DLGAP1: variants seen among roughly 807,000 people sequenced by gnomAD.
The protein encoded by DLGAP1 is disks large-associated protein 1.
A neutral mutation model predicts 90.8 loss-of-function variants in DLGAP1; 11 were observed. That is an observed-to-expected ratio of 0.12 (90% CI 0.08 to 0.20). DLGAP1 has a LOEUF of 0.20. DLGAP1 is among the 10% of genes least tolerant of loss of function. The probability of loss-of-function intolerance (pLI) is 1.00; values close to 1 mark genes in which losing one functional copy is unlikely to be tolerated. For synonymous variants in DLGAP1, 558 were observed against 540.7 expected, an observed-to-expected ratio of 1.03 and a Z score of -0.44; for missense variants, 1,050 against 1,333.8, an observed-to-expected ratio of 0.79 and a Z score of 3.31.
chr18:4,090,021 G>A (rs1220440342), intron 2 of DLGAP1, among the ~76,000 whole-genome samples: 1 of 152,040 alleles, frequency 6.6e-6, no homozygotes, highest in African/African-American at 2.4e-5. Flanking sequence ...CTCCAGCCTG[G>A]GTGATAGAGG....
chr18:4,391,796 TA>T (rs920049041), intron 1 of DLGAP1, among the ~76,000 whole-genome samples: 2 of 152,146 alleles, frequency 1.3e-5, no homozygotes, highest in Non-Finnish European at 2.9e-5. Context: ...CATGGGAGCC[TA>T]AGGAGTTTCT....
At chr18:4,168,542 A>G (rs960632562) in intron 1 of DLGAP1, among the ~76,000 whole-genome samples, 1 of 152,154 alleles carries the variant, frequency 6.6e-6, no homozygotes, top group Non-Finnish European at 1.5e-5. Context: ...CCATTAAACC[A>G]TAACTCCACA....
At chr18:3,693,883 A>AT (rs71366702) in intron 7 of DLGAP1, among the ~76,000 whole-genome samples, 6,053 of 151,576 alleles carry the variant, frequency 0.04, 299 homozygotes, top group African/African-American at 0.12. Context: ...TGATGATGGC[A>AT]TTTTTTTTTA....
intron 1 of DLGAP1, among the ~76,000 whole-genome samples, chr18:4,198,461 CAATTAATAGATA>C (rs60886451): frequency 0.058 from 8,883 of 152,116 alleles, 615 homozygotes; most frequent in East Asian, 0.2. Flanking sequence ...GTCCACGAAA[CAATTAATAGATA>C]TTATTGAGAA....
At chr18:4,016,059 C>A (rs1295736928) in intron 2 of DLGAP1, among the ~76,000 whole-genome samples, 1 of 152,186 alleles carries the variant, frequency 6.6e-6, no homozygotes, top group African/African-American at 2.4e-5. Flanking sequence ...GTAATGAACA[C>A]ATGCTATCAG....
intron 1 of DLGAP1, among the ~76,000 whole-genome samples, chr18:4,382,142 C>T (rs942722955): frequency 6.6e-6 from 1 of 151,994 alleles, no homozygotes; most frequent in Non-Finnish European, 1.5e-5. Flanking sequence ...GGAACACAGC[C>T]AAGCCATATC....
intron 3 of DLGAP1, among the ~76,000 whole-genome samples, chr18:4,001,463 G>A (rs1302403331): frequency 6.6e-6 from 1 of 151,822 alleles, no homozygotes; most frequent in Non-Finnish European, 1.5e-5. Flanking sequence ...TGGTAGATTC[G>A]ATGGCCATTT....
chr18:3,902,313 T>C (rs1470342034), intron 3 of DLGAP1, among the ~76,000 whole-genome samples: 3 of 152,218 alleles, frequency 2.0e-5, no homozygotes, highest in South Asian at 2.1e-4. Context: ...GGAAGTAATA[T>C]CGAGTTGCTT....
chr18:4,351,918 A>G (rs926805638), intron 1 of DLGAP1, among the ~76,000 whole-genome samples: 1 of 152,232 alleles, frequency 6.6e-6, no homozygotes, highest in African/African-American at 2.4e-5. Flanking sequence ...TGTTAAAAGC[A>G]ACACGTAGTT....
At chr18:4,257,221 G>A (rs1442148952) in intron 1 of DLGAP1, among the ~76,000 whole-genome samples, 1 of 152,190 alleles carries the variant, frequency 6.6e-6, no homozygotes, top group East Asian at 1.9e-4. Flanking sequence ...ATAAGGAAGT[G>A]AGAGAAATAT....
At chr18:4,248,548 C>T (rs1296101887) in intron 1 of DLGAP1, 1 of 152,222 alleles carries the variant, frequency 6.6e-6, no homozygotes, top group African/African-American at 2.4e-5. Context: ...AAAGGGGAGA[C>T]ATTTAGACAC....
intron 3 of DLGAP1, among the ~76,000 whole-genome samples, chr18:3,982,874 T>C (rs540250426): frequency 6.6e-6 from 1 of 152,346 alleles, no homozygotes; most frequent in East Asian, 1.9e-4. Flanking sequence ...TGCTTAGATA[T>C]CTTATGAAAT....
At chr18:3,778,351 G>C (rs1362533085) in intron 5 of DLGAP1, among the ~76,000 whole-genome samples, 2 of 152,024 alleles carry the variant, frequency 1.3e-5, no homozygotes, top group East Asian at 1.9e-4. Flanking sequence ...TGAGGCAGGA[G>C]AATCGCTTGA....
At chr18:3,939,455 C>CA (rs112310710) in intron 3 of DLGAP1, among the ~76,000 whole-genome samples, 1,531 of 142,428 alleles carry the variant, frequency 0.011, 25 homozygotes, top group South Asian at 0.039. Context: ...AAAAAAACAC[C>CA]AAAAAAACAA....
chr18:4,419,031 C>A (rs947239545), intron 1 of DLGAP1, among the ~76,000 whole-genome samples: 1 of 152,074 alleles, frequency 6.6e-6, no homozygotes, highest in Non-Finnish European at 1.5e-5. Context: ...AGAACTATAG[C>A]AGACTTGTAG....
chr18:3,788,891 C>T (rs1267828285), intron 5 of DLGAP1, among the ~76,000 whole-genome samples: 2 of 152,198 alleles, frequency 1.3e-5, no homozygotes, highest in African/African-American at 4.8e-5. Context: ...ACAGTGAAAA[C>T]ACATGCTGAA....
intron 7 of DLGAP1, among the ~76,000 whole-genome samples, chr18:3,650,902 ATT>A (rs2059275860): frequency 6.1e-5 from 9 of 146,560 alleles, no homozygotes; most frequent in Admixed American, 1.4e-4. Context: ...CCCTGTCTCT[ATT>A]AAAATACAAA....
intron 3 of DLGAP1, among the ~76,000 whole-genome samples, chr18:3,924,402 A>G (rs1029776656): frequency 1.3e-5 from 2 of 152,038 alleles, no homozygotes; most frequent in African/African-American, 4.8e-5. Flanking sequence ...CTGCCACCCT[A>G]TTCTCTCATG....
chr18:3,680,131 T>C (rs576872532), intron 7 of DLGAP1: 1 of 152,398 alleles, frequency 6.6e-6, no homozygotes, highest in African/African-American at 2.4e-5. Context: ...TCTCTAACGG[T>C]TGGCAAAATG....
Sources: allele counts gnomAD v4.1 joint callset (sites outside exome capture counted in the v4.1 genomes callset), GRCh38; gene constraint gnomAD v4.1.1; transcripts MANE v1.5; gene names NCBI Gene and HGNC (gene_info 2026-07-23, HGNC 2026-07-21).